Variants in ST6GAL1 observed in about 807,000 individuals in gnomAD.
ST6GAL1 encodes beta-galactoside alpha-2,6-sialyltransferase 1.
ST6GAL1 carries 20 observed loss-of-function variants against 38.0 expected under a neutral mutation model. That is an observed-to-expected ratio of 0.53 (90% CI 0.37 to 0.77). The LOEUF is 0.77. Among genes scored for constraint, ST6GAL1 ranks in the 30% least tolerant of loss-of-function variants. ST6GAL1 has a pLI of 0.00. For missense variants in ST6GAL1, 432 were observed against 496.4 expected (o/e 0.87, Z 1.23); for synonymous variants, 196 against 188.2 (o/e 1.04, Z -0.34).
Position 187,021,418 on chromosome 3 carries a change from G to A in ST6GAL1, c.-182-17324G>A, listed in dbSNP as rs1717294841. The stretch of plus-strand genomic sequence containing the variant: ...ACCTGCCCCAAGGCAAGGTTTTTAT[G>A]TTTTCTGGCCTGACTGTGGGCCTTA... On this transcript the variant is annotated intron_variant, in intron 2 of 7. Coordinates refer to ENST00000169298, the MANE Select transcript of ST6GAL1 (RefSeq NM_173216.2). Among the ~76,000 whole-genome samples, 3 of 152,200 alleles carry A rather than the reference G, an allele frequency of 2.0e-5. No homozygotes were observed. The South Asian group carries it at 6.2e-4, about 32-fold the overall frequency.
rs769241343 is a variant in ST6GAL1, at chr3:187,043,309, C to T, written c.606C>T (p.Ile202=). The change falls in exon 4 of 8, where the codon ATC becomes ATT. Residue 202 remains isoleucine, a splice_region_variant and synonymous_variant. Transcript: ENST00000169298. ...AGTCCTCCCAACTAGGCAGAGAAAT[C>T]GGTATGTTCTGGGGTTGTTCTGTGA... is the stretch of plus-strand genomic sequence containing the variant. ...SLKSSQLGRE[I]DDHDAVLRFN... The T allele has an allele frequency of 2.9e-5, 46 of 1,611,998 alleles. No individual in the cohort carries two copies. The highest frequency in any genetic ancestry group is 2.5e-4 in the East Asian group (11 of 44,880).
chr3:187,008,338 CAAG>C (rs1446988961), intron 2 of ST6GAL1, among the ~76,000 whole-genome samples: 1 of 148,428 alleles, frequency 6.7e-6, no homozygotes, highest in Non-Finnish European at 1.5e-5. Context: ...AGGAAGGACT[CAAG>C]AAAGAGAGAA....
intron 5 of ST6GAL1, among the ~76,000 whole-genome samples, chr3:187,055,126 G>A (rs1181726993): frequency 1.3e-5 from 2 of 152,044 alleles, no homozygotes; most frequent in South Asian, 4.1e-4. Context: ...TTGTATTTCT[G>A]TGGGATCAGT....
At chr3:186,969,014 ATCTTTT>A (rs920610277) in intron 2 of ST6GAL1, among the ~76,000 whole-genome samples, 3 of 145,552 alleles carry the variant, frequency 2.1e-5, no homozygotes, top group Non-Finnish European at 3.0e-5. Context: ...GGTATGATCT[ATCTTTT>A]TCTTTTTCTT....
intron 2 of ST6GAL1, among the ~76,000 whole-genome samples, chr3:186,967,866 C>A (rs1235976226): frequency 6.6e-6 from 1 of 152,222 alleles, no homozygotes; most frequent in Non-Finnish European, 1.5e-5. Flanking sequence ...ACCACCGTGG[C>A]AGTAGAGGCC....
At chr3:187,064,158 A>T (rs1251086097) in intron 5 of ST6GAL1, among the ~76,000 whole-genome samples, 3 of 152,210 alleles carry the variant, frequency 2.0e-5, no homozygotes, top group African/African-American at 7.2e-5. Context: ...AGGGAAAAAA[A>T]GGTAAGATGA....
At chr3:186,947,609 T>G (rs1032625589) in intron 1 of ST6GAL1, among the ~76,000 whole-genome samples, 14 of 151,258 alleles carry the variant, frequency 9.3e-5, no homozygotes, top group African/African-American at 3.4e-4. Context: ...ATGGTTTAGA[T>G]GTAAATTTTG....
rs1479394516 is a variant in ST6GAL1 at position 187,077,807 on chromosome 3, G to A, written c.*2004G>A. ...TGTGACGGAGGCTAGTGTGGAAGAGGTCCTGTCCTCAGGGAATTAACTGTC... is the reference window on the plus strand; with the variant it reads ...TGTGACGGAGGCTAGTGTGGAAGAGATCCTGTCCTCAGGGAATTAACTGTC... On this transcript the variant is annotated 3_prime_UTR_variant, in exon 8 of 8. Coordinates refer to ENST00000169298, the MANE Select transcript of ST6GAL1 (RefSeq NM_173216.2). The A allele has an allele frequency of 6.6e-6, 1 of 152,360 alleles. No homozygotes were observed. 9.4% of individuals were successfully genotyped at this position (152,360 alleles called of 1,614,324 possible).
At chr3:186,933,508 A>T (rs1194876338) in intron 1 of ST6GAL1, among the ~76,000 whole-genome samples, 1 of 152,220 alleles carries the variant, frequency 6.6e-6, no homozygotes, top group Non-Finnish European at 1.5e-5. Flanking sequence ...TGGCCGAGCG[A>T]GCACAGGTGG....
intron 5 of ST6GAL1, among the ~76,000 whole-genome samples, chr3:187,057,411 T>C (rs979791531): frequency 6.6e-6 from 1 of 152,258 alleles, no homozygotes; most frequent in Admixed American, 6.5e-5. Flanking sequence ...TTTCAGCTTT[T>C]CTGCTCTGGT....
intron 1 of ST6GAL1, among the ~76,000 whole-genome samples, chr3:186,939,150 T>C (rs1714072820): frequency 6.6e-6 from 1 of 151,546 alleles, no homozygotes; most frequent in African/African-American, 2.4e-5. Flanking sequence ...CATGACTTGC[T>C]GCAGTCTCTG....
chr3:187,005,661 A>T (rs893432101), intron 2 of ST6GAL1, among the ~76,000 whole-genome samples: 1 of 152,170 alleles, frequency 6.6e-6, no homozygotes, highest in Non-Finnish European at 1.5e-5. Flanking sequence ...GGATTCTGAT[A>T]TTTTAAAATC....
chr3:186,945,971 A>G (rs1222340322), intron 1 of ST6GAL1, among the ~76,000 whole-genome samples: 2 of 128,430 alleles, frequency 1.6e-5, no homozygotes, highest in Non-Finnish European at 1.6e-5. Context: ...AGCTTGGGTG[A>G]CAGAGCAAGA....
intron 2 of ST6GAL1, among the ~76,000 whole-genome samples, chr3:186,980,502 G>A (rs545125802): frequency 8.8e-4 from 133 of 150,824 alleles, no homozygotes; most frequent in Middle Eastern, 3.4e-3. Flanking sequence ...GCTCACGCCT[G>A]TAATCCCAGG....
At chr3:186,967,358 AT>A (rs1274305683) in intron 2 of ST6GAL1, among the ~76,000 whole-genome samples, 4 of 152,002 alleles carry the variant, frequency 2.6e-5, no homozygotes, top group Non-Finnish European at 5.9e-5. Context: ...CACCCAGCTA[AT>A]TTTTGTATTT....
chr3:187,059,631 C>T (rs948454666), intron 5 of ST6GAL1, among the ~76,000 whole-genome samples: 3 of 152,148 alleles, frequency 2.0e-5, no homozygotes, highest in African/African-American at 7.2e-5. Flanking sequence ...TTACTTCTCT[C>T]TAAAAAAGGG....
chr3:187,052,199 A>G (rs760471601), intron 5 of ST6GAL1, among the ~76,000 whole-genome samples: 1 of 152,104 alleles, frequency 6.6e-6, no homozygotes, highest in Non-Finnish European at 1.5e-5. Context: ...ACTTCCCTAT[A>G]TCTGTCTCTT....
intron 2 of ST6GAL1, chr3:187,021,740 C>CAAAAAAAAAAAAA (rs58948806): frequency 1.2e-5 from 1 of 83,722 alleles, no homozygotes. Context: ...GACTCTGTCT[C>CAAAAAAAAAAAAA]AAAAAAAAAA....
intron 1 of ST6GAL1, among the ~76,000 whole-genome samples, chr3:186,946,949 A>G (rs1158083961): frequency 1.3e-5 from 2 of 152,126 alleles, no homozygotes; most frequent in Non-Finnish European, 2.9e-5. Context: ...GGCCCACACG[A>G]CAATGGAAAA....
Sources: allele counts gnomAD v4.1 joint callset (sites outside exome capture counted in the v4.1 genomes callset), GRCh38; gene constraint gnomAD v4.1.1; transcripts MANE v1.5; gene names NCBI Gene and HGNC (gene_info 2026-07-23, HGNC 2026-07-21).